SLC24A2: variants seen among roughly 807,000 people sequenced by gnomAD.
SLC24A2 encodes the protein solute carrier family 24 member 2.
SLC24A2 carries 36 observed loss-of-function variants against 62.0 expected under a neutral mutation model. The observed-to-expected ratio is 0.58, with a 90% CI of 0.44 to 0.77. The LOEUF (loss-of-function observed/expected upper bound fraction) is 0.77. SLC24A2 is among the 30% of genes least tolerant of loss of function. SLC24A2 has a pLI of 0.00. For missense variants in SLC24A2, 846 were observed against 817.9 expected, an observed-to-expected ratio of 1.03 and a Z score of -0.42; for synonymous variants, 358 against 294.0, an observed-to-expected ratio of 1.22 and a Z score of -2.23.
At chr9:20,029,618 T>C in the SLC24A2 span, among the ~76,000 whole-genome samples, 1 of 152,182 alleles carries the variant, frequency 6.6e-6, no homozygotes. Context: ...CCTATACTTG[T>C]GAAATGTCAG....
chr9:20,061,714 A>C, the SLC24A2 span, among the ~76,000 whole-genome samples: 1 of 152,242 alleles, frequency 6.6e-6, no homozygotes, highest in Non-Finnish European at 1.5e-5. Context: ...TCAATGCAAG[A>C]ATTAAAAGTA....
At chr9:20,250,009 G>A in the SLC24A2 span, among the ~76,000 whole-genome samples, 6 of 152,108 alleles carry the variant, frequency 3.9e-5, no homozygotes, top group African/African-American at 1.4e-4. Flanking sequence ...GTCTTGGGGA[G>A]GAACTAATTT....
the SLC24A2 span, among the ~76,000 whole-genome samples, chr9:20,020,426 A>G: frequency 1.3e-5 from 2 of 152,342 alleles, no homozygotes; most frequent in African/African-American, 4.8e-5. Context: ...TTGCAAGGAC[A>G]TGGATGAAGC....
chr9:20,178,683 C>T, the SLC24A2 span, among the ~76,000 whole-genome samples: 1 of 152,126 alleles, frequency 6.6e-6, no homozygotes, highest in Non-Finnish European at 1.5e-5. Flanking sequence ...CAGAGCTCAC[C>T]TAGCCTGGCT....
the SLC24A2 span, among the ~76,000 whole-genome samples, chr9:19,925,177 C>T: frequency 6.6e-6 from 1 of 152,202 alleles, no homozygotes; most frequent in Non-Finnish European, 1.5e-5. Context: ...ATCAGACGTT[C>T]TCTATAAGGA....
chr9:20,254,434 TG>T, the SLC24A2 span, among the ~76,000 whole-genome samples: 1 of 152,210 alleles, frequency 6.6e-6, no homozygotes, highest in Non-Finnish European at 1.5e-5. Context: ...ATTCAACAAA[TG>T]TGTTCAATAG....
intron 2 of SLC24A2, among the ~76,000 whole-genome samples, chr9:19,710,210 A>G (rs1207997640): frequency 6.6e-6 from 1 of 152,176 alleles, no homozygotes; most frequent in Admixed American, 6.5e-5. Context: ...TCATTCAACA[A>G]CTGTGTACCA....
intron 5 of SLC24A2, among the ~76,000 whole-genome samples, chr9:19,577,261 A>G (rs1836047128): frequency 6.6e-6 from 1 of 152,136 alleles, no homozygotes; most frequent in Admixed American, 6.5e-5. Flanking sequence ...AAAATTAACA[A>G]AAGCACCAAG....
chr9:20,163,019 A>T, the SLC24A2 span, among the ~76,000 whole-genome samples: 4 of 152,166 alleles, frequency 2.6e-5, no homozygotes, highest in African/African-American at 9.7e-5. Flanking sequence ...CTCACAGCCA[A>T]TATCATACCG....
At chr9:19,892,071 G>T in the SLC24A2 span, among the ~76,000 whole-genome samples, 1 of 152,094 alleles carries the variant, frequency 6.6e-6, no homozygotes, top group African/African-American at 2.4e-5. Context: ...GTCACTCTAT[G>T]CCAACATGGG....
At chr9:20,020,932 C>T in the SLC24A2 span, among the ~76,000 whole-genome samples, 1 of 152,114 alleles carries the variant, frequency 6.6e-6, no homozygotes, top group African/African-American at 2.4e-5. Flanking sequence ...CCATGTGGCT[C>T]TTTTCTACTG....
chr9:19,864,704 A>C, the SLC24A2 span, among the ~76,000 whole-genome samples: 2 of 152,120 alleles, frequency 1.3e-5, no homozygotes, highest in Non-Finnish European at 2.9e-5. Flanking sequence ...AATAAAAGCT[A>C]CATATGACAG....
chr9:19,951,456 T>C, the SLC24A2 span, among the ~76,000 whole-genome samples: 2 of 152,148 alleles, frequency 1.3e-5, no homozygotes, highest in Non-Finnish European at 2.9e-5. Context: ...AAGGATATTT[T>C]CCCCCTTTTT....
At chr9:20,130,913 C>T in the SLC24A2 span, among the ~76,000 whole-genome samples, 1 of 152,132 alleles carries the variant, frequency 6.6e-6, no homozygotes, top group Non-Finnish European at 1.5e-5. Context: ...ATAGGATACC[C>T]TGCCCAGACC....
At chr9:19,872,582 T>C in the SLC24A2 span, among the ~76,000 whole-genome samples, 1 of 152,184 alleles carries the variant, frequency 6.6e-6, no homozygotes, top group Non-Finnish European at 1.5e-5. Context: ...CTGATGTGTT[T>C]TTGTTTGTGA....
chr9:20,094,994 C>T, the SLC24A2 span, among the ~76,000 whole-genome samples: 6 of 152,094 alleles, frequency 3.9e-5, no homozygotes, highest in African/African-American at 1.4e-4. Flanking sequence ...TAAAAAGCTA[C>T]CTTTCCAACT....
chr9:20,104,389 C>A, the SLC24A2 span, among the ~76,000 whole-genome samples: 2 of 152,098 alleles, frequency 1.3e-5, no homozygotes, highest in Non-Finnish European at 2.9e-5. Context: ...CTCCAAGACA[C>A]ATAATTGTCA....
chr9:20,030,736 T>C, the SLC24A2 span, among the ~76,000 whole-genome samples: 1 of 152,222 alleles, frequency 6.6e-6, no homozygotes, highest in Non-Finnish European at 1.5e-5. Context: ...AGTTATGAAG[T>C]GGGTATAACC....
chr9:19,742,682 G>C (rs1164657566), intron 2 of SLC24A2, among the ~76,000 whole-genome samples: 3 of 152,142 alleles, frequency 2.0e-5, no homozygotes, highest in Admixed American at 6.5e-5. Context: ...TTTCATGAAG[G>C]TTCTCTAGTT....
Sources: allele counts gnomAD v4.1 joint callset (sites outside exome capture counted in the v4.1 genomes callset), GRCh38; gene constraint gnomAD v4.1.1; transcripts MANE v1.5; gene names NCBI Gene and HGNC (gene_info 2026-07-23, HGNC 2026-07-21).